PUM2: variants seen among roughly 807,000 people sequenced by gnomAD.
PUM2 encodes the protein pumilio RNA binding family member 2.
In PUM2, 57 loss-of-function variants were observed where a neutral mutation model predicts 124.5. The ratio of observed to expected loss-of-function variants is 0.46; its 90% CI spans 0.37 to 0.57. The LOEUF (loss-of-function observed/expected upper bound fraction) is 0.57. Among genes scored for constraint, PUM2 ranks in the 20% least tolerant of loss-of-function variants. The pLI is 0.00. For synonymous variants in PUM2, 460 were observed against 446.1 expected, an observed-to-expected ratio of 1.03 and a Z score of -0.39; for missense variants, 1,065 against 1,290.6, an observed-to-expected ratio of 0.83 and a Z score of 2.68.
chr2:20,291,047 T>C (rs955543370), intron 9 of PUM2, among the ~76,000 whole-genome samples: 1 of 152,174 alleles, frequency 6.6e-6, no homozygotes. Flanking sequence ...CTATTTCTAA[T>C]ATCTGTGCTC....
At chr2:20,313,349 G>A (rs1185919393) in intron 3 of PUM2, among the ~76,000 whole-genome samples, 1 of 152,198 alleles carries the variant, frequency 6.6e-6, no homozygotes, top group Non-Finnish European at 1.5e-5. Flanking sequence ...CAGACGGAAA[G>A]CGCCATTTGG....
intron 2 of PUM2, chr2:20,326,377 T>C (rs554901726): frequency 5.4e-6 from 7 of 1,304,154 alleles, no homozygotes; most frequent in Non-Finnish European, 6.1e-6. Context: ...CTTGGACTCT[T>C]TTCTGCATCT....
intron 12 of PUM2, among the ~76,000 whole-genome samples, chr2:20,280,867 T>C (rs888336986): frequency 6.6e-6 from 1 of 152,108 alleles, no homozygotes; most frequent in African/African-American, 2.4e-5. Flanking sequence ...TAACAGGTCA[T>C]AGAAAAGATG....
rs938123349 is a variant in PUM2 at position 20,342,037 on chromosome 2, G to A, written c.-19+8560C>T. Among the ~76,000 whole-genome samples the A allele has an allele frequency of 2.0e-5, 3 of 151,158 alleles. No individual in the cohort carries two copies. The East Asian group carries it at 5.8e-4, about 29-fold the overall frequency. On this transcript the variant is annotated intron_variant, in intron 1 of 20. Coordinates refer to ENST00000361078, the MANE Select transcript of PUM2 (RefSeq NM_015317.5). Reference sequence around the variant, plus strand: ...CCAGCTACTAGGGAGGCTGAGGCAGGAGAATCGCTTAAACCCAGGAGGTGG... The same window carrying A: ...CCAGCTACTAGGGAGGCTGAGGCAGAAGAATCGCTTAAACCCAGGAGGTGG...
chr2:20,282,838 T>C, intron 12 of PUM2, 109 bp downstream of exon 12: 1 of 1,243,450 alleles, frequency 8.0e-7, no homozygotes, highest in Non-Finnish European at 1.1e-6. Flanking sequence ...TCCAATACTT[T>C]ATTCCTGTCC....
chr2:20,318,244 A>C (rs576128622), intron 3 of PUM2, among the ~76,000 whole-genome samples: 2 of 152,248 alleles, frequency 1.3e-5, no homozygotes, highest in South Asian at 2.1e-4. Flanking sequence ...TTAAAAAAAA[A>C]CCCTTGATAA....
At chr2:20,300,152 A>ATTTT (rs35288020) in intron 7 of PUM2, among the ~76,000 whole-genome samples, 1 of 147,618 alleles carries the variant, frequency 6.8e-6, no homozygotes, top group Non-Finnish European at 1.5e-5. Context: ...TTCAGGTTAA[A>ATTTT]TTTTTTTTTT....
chr2:20,278,364 AC>A (rs1572673498), intron 13 of PUM2, among the ~76,000 whole-genome samples: 4 of 152,298 alleles, frequency 2.6e-5, no homozygotes, highest in East Asian at 3.9e-4. Context: ...CATAAAAAAA[AC>A]ATAAGAAACA....
At chr2:20,300,930 A>C (rs1443315282) in intron 7 of PUM2, among the ~76,000 whole-genome samples, 1 of 152,350 alleles carries the variant, frequency 6.6e-6, no homozygotes, top group African/African-American at 2.4e-5. Context: ...ACCAAGCCAG[A>C]CTAACACATA....
intron 2 of PUM2, among the ~76,000 whole-genome samples, chr2:20,319,021 C>A (rs1415479288): frequency 1.3e-5 from 2 of 152,196 alleles, no homozygotes; most frequent in African/African-American, 4.8e-5. Context: ...TCTCCCTAGA[C>A]CACCTCCTAT....
At chr2:20,349,087 G>C (rs1688807610) in intron 1 of PUM2, among the ~76,000 whole-genome samples, 2 of 152,174 alleles carry the variant, frequency 1.3e-5, no homozygotes. Context: ...AATTAATTTA[G>C]GCTCTTTTAA....
At chr2:20,298,870 T>C (rs1676292133) in intron 7 of PUM2, among the ~76,000 whole-genome samples, 1 of 152,056 alleles carries the variant, frequency 6.6e-6, no homozygotes, top group South Asian at 2.1e-4. Context: ...ATAATGATAA[T>C]AGTAATATTT....
chr2:20,333,819 TG>T (rs922361691), intron 1 of PUM2, among the ~76,000 whole-genome samples: 2 of 152,140 alleles, frequency 1.3e-5, no homozygotes, highest in Admixed American at 1.3e-4. Context: ...TGGGGCCTAG[TG>T]GAGGGTGACT....
intron 14 of PUM2, 70 bp downstream of exon 14, chr2:20,263,123 A>G: frequency 2.8e-6 from 4 of 1,446,132 alleles, no homozygotes; most frequent in Non-Finnish European, 3.8e-6. Context: ...AAAGTCCAGA[A>G]AAATTTAAGC....
intron 13 of PUM2, among the ~76,000 whole-genome samples, chr2:20,265,454 T>A (rs1667432207): frequency 6.6e-6 from 1 of 152,214 alleles, no homozygotes; most frequent in Admixed American, 6.5e-5. Context: ...TTTCTAACTG[T>A]TCGTAACAAT....
chr2:20,341,342 A>G (rs1474355193), intron 1 of PUM2, among the ~76,000 whole-genome samples: 1 of 152,192 alleles, frequency 6.6e-6, no homozygotes. Context: ...GCCAAACTCA[A>G]CAACAGAAAA....
At chr2:20,300,128 G>C (rs536115273) in intron 7 of PUM2, among the ~76,000 whole-genome samples, 131 of 151,798 alleles carry the variant, frequency 8.6e-4, no homozygotes, top group Middle Eastern at 3.4e-3. Context: ...TCCCATCACA[G>C]CCTGAACCAG....
intron 14 of PUM2, among the ~76,000 whole-genome samples, chr2:20,261,767 G>A (rs1439867197): frequency 6.6e-6 from 1 of 152,074 alleles, no homozygotes. Context: ...AACAGAAAAA[G>A]TCTCATAGAA....
intron 5 of PUM2, among the ~76,000 whole-genome samples, chr2:20,309,614 T>C (rs924714173): frequency 1.3e-5 from 2 of 152,142 alleles, no homozygotes; most frequent in Admixed American, 1.3e-4. Flanking sequence ...ATGTTTTATA[T>C]AGGATCCTTT....
Sources: gnomAD v4.1 joint callset for allele counts (sites outside exome capture counted in the v4.1 genomes callset) on GRCh38, gnomAD v4.1.1 for gene constraint, MANE v1.5 for transcripts, NCBI Gene and HGNC (gene_info 2026-07-23, HGNC 2026-07-21) for gene names.